Variants in TAFA1 observed in about 807,000 individuals in gnomAD.
TAFA1 encodes TAFA chemokine like family member 1, also known as chemokine-like protein TAFA-1.
Under a neutral mutation model 18.5 loss-of-function variants are expected in TAFA1, and 4 were observed. The observed-to-expected ratio is 0.22, with a 90% CI of 0.11 to 0.49. The LOEUF (loss-of-function observed/expected upper bound fraction) is 0.49, where lower values mean the gene tolerates loss of function less well. Among genes scored for constraint, TAFA1 ranks in the 20% least tolerant of loss-of-function variants. The pLI, the probability that TAFA1 is intolerant of heterozygous loss-of-function variation, is 0.98. For missense variants in TAFA1, 147 were observed against 169.0 expected (o/e 0.87, Z 0.72); for synonymous variants, 56 against 55.2 (o/e 1.01, Z -0.06).
intron 2 of TAFA1, among the ~76,000 whole-genome samples, chr3:68,386,631 C>A (rs1250126419): frequency 6.6e-6 from 1 of 152,120 alleles, no homozygotes; most frequent in South Asian, 2.1e-4. Context: ...CTGGAGAGAA[C>A]TGTTTGCCTT....
At chr3:68,441,792 G>C (rs994900654) in intron 3 of TAFA1, among the ~76,000 whole-genome samples, 3 of 152,158 alleles carry the variant, frequency 2.0e-5, no homozygotes, top group Non-Finnish European at 4.4e-5. Context: ...CTAGGGCCTG[G>C]TTCACAGATG....
At chr3:68,387,202 G>A (rs936458423) in intron 2 of TAFA1, among the ~76,000 whole-genome samples, 3 of 151,950 alleles carry the variant, frequency 2.0e-5, no homozygotes. Flanking sequence ...TAAAAGTTCT[G>A]GTGACTATAA....
At chr3:68,292,218 T>C (rs796481372) in intron 2 of TAFA1, among the ~76,000 whole-genome samples, 41 of 152,242 alleles carry the variant, frequency 2.7e-4, no homozygotes, top group African/African-American at 9.4e-4. Flanking sequence ...GTGTCTTATC[T>C]ACCCAGAGAT....
At chr3:68,034,438 C>A (rs1489376743) in intron 2 of TAFA1, among the ~76,000 whole-genome samples, 3 of 152,206 alleles carry the variant, frequency 2.0e-5, no homozygotes, top group Non-Finnish European at 2.9e-5. Context: ...CACAGCTCTT[C>A]ATAACTTGCC....
intron 3 of TAFA1, among the ~76,000 whole-genome samples, chr3:68,506,296 C>T (rs2072752852): frequency 6.6e-6 from 1 of 151,974 alleles, no homozygotes; most frequent in African/African-American, 2.4e-5. Flanking sequence ...CACTGATGGA[C>T]ATTTGGGTTG....
chr3:68,127,998 A>G (rs1265301428), intron 2 of TAFA1, among the ~76,000 whole-genome samples: 1 of 149,280 alleles, frequency 6.7e-6, no homozygotes, highest in African/African-American at 2.6e-5. Flanking sequence ...TATTGGTAAT[A>G]ATAATGATAA....
chr3:68,100,637 A>G (rs1405797618), intron 2 of TAFA1, among the ~76,000 whole-genome samples: 2 of 152,222 alleles, frequency 1.3e-5, no homozygotes, highest in South Asian at 2.1e-4. Context: ...CAATGATTCC[A>G]GCTATCTATT....
intron 2 of TAFA1, among the ~76,000 whole-genome samples, chr3:68,212,232 GA>G (rs113273089): frequency 0.011 from 1,524 of 143,106 alleles, 25 homozygotes; most frequent in African/African-American, 0.034. Flanking sequence ...TTCAAGACCC[GA>G]AAAAAAAAAA....
chr3:68,504,493 G>T (rs1368020437), intron 3 of TAFA1, among the ~76,000 whole-genome samples: 2 of 152,160 alleles, frequency 1.3e-5, no homozygotes, highest in Admixed American at 1.3e-4. Context: ...TACATTGTCT[G>T]CCACTGGAGC....
At chr3:68,096,613 A>G (rs1422291752) in intron 2 of TAFA1, among the ~76,000 whole-genome samples, 1 of 152,150 alleles carries the variant, frequency 6.6e-6, no homozygotes, top group African/African-American at 2.4e-5. Flanking sequence ...GAAGTTAGTT[A>G]ACTTCTCCAA....
At chr3:68,071,561 G>C (rs6763237) in intron 2 of TAFA1, among the ~76,000 whole-genome samples, 1 of 152,172 alleles carries the variant, frequency 6.6e-6, no homozygotes, top group Non-Finnish European at 1.5e-5. Flanking sequence ...CAGAACTCTG[G>C]AGCCAGGGAG....
chr3:68,245,104 A>G (rs960016952), intron 2 of TAFA1, among the ~76,000 whole-genome samples: 1 of 152,214 alleles, frequency 6.6e-6, no homozygotes, highest in African/African-American at 2.4e-5. Context: ...TTCTATCTCA[A>G]GAACTCAGCT....
At chr3:68,155,967 AGGT>A (rs2065862439) in intron 2 of TAFA1, among the ~76,000 whole-genome samples, 1 of 152,154 alleles carries the variant, frequency 6.6e-6, no homozygotes, top group Admixed American at 6.5e-5. Context: ...GGTTGCAGGC[AGGT>A]GGTTGCAATA....
At chr3:68,327,341 G>T (rs944199313) in intron 2 of TAFA1, among the ~76,000 whole-genome samples, 2 of 152,022 alleles carry the variant, frequency 1.3e-5, no homozygotes, top group African/African-American at 4.8e-5. Flanking sequence ...AGAAATTTGA[G>T]GCCTATCATT....
chr3:68,046,925 T>C (rs1026179492), intron 2 of TAFA1, among the ~76,000 whole-genome samples: 1 of 152,216 alleles, frequency 6.6e-6, no homozygotes, highest in South Asian at 2.1e-4. Flanking sequence ...ATAAGGCATA[T>C]TGATTTTTTA....
intron 3 of TAFA1, among the ~76,000 whole-genome samples, chr3:68,530,597 A>G (rs1293484712): frequency 1.3e-5 from 2 of 152,212 alleles, no homozygotes; most frequent in Non-Finnish European, 2.9e-5. Flanking sequence ...AGATAAGAGA[A>G]GCTGGTTTTG....
intron 2 of TAFA1, among the ~76,000 whole-genome samples, chr3:68,373,131 C>G (rs756122207): frequency 2.0e-5 from 3 of 152,098 alleles, no homozygotes; most frequent in Non-Finnish European, 4.4e-5. Flanking sequence ...TGGCACATAG[C>G]AGGCACAGAG....
chr3:68,392,003 A>G (rs1456023122), intron 2 of TAFA1, among the ~76,000 whole-genome samples: 1 of 152,192 alleles, frequency 6.6e-6, no homozygotes, highest in Non-Finnish European at 1.5e-5. Context: ...AAATTCACAC[A>G]TAACAATACT....
intron 2 of TAFA1, among the ~76,000 whole-genome samples, chr3:68,163,913 C>T (rs1378910968): frequency 6.6e-6 from 1 of 152,160 alleles, no homozygotes; most frequent in Non-Finnish European, 1.5e-5. Flanking sequence ...AACTAAATCC[C>T]ATCTAGACTT....
Sources: gnomAD v4.1 joint callset for allele counts (sites outside exome capture counted in the v4.1 genomes callset) on GRCh38, gnomAD v4.1.1 for gene constraint, MANE v1.5 for transcripts, NCBI Gene and HGNC (gene_info 2026-07-23, HGNC 2026-07-21) for gene names.